The following PPME1 variants were observed in gnomAD, a reference collection of about 807,000 sequenced individuals.
The protein encoded by PPME1 is testicular secretory protein Li 39.
A neutral mutation model predicts 56.9 loss-of-function variants in PPME1; 17 were observed. That is an observed-to-expected ratio of 0.30 (90% CI 0.20 to 0.45). The LOEUF (loss-of-function observed/expected upper bound fraction) is 0.45, where lower values mean the gene tolerates loss of function less well. Ranked by LOEUF, PPME1 falls within the 20% of genes least tolerant of loss-of-function variation. The probability of loss-of-function intolerance (pLI) is 1.00; values close to 1 mark genes in which losing one functional copy is unlikely to be tolerated. For missense variants in PPME1, 357 were observed against 483.2 expected, an observed-to-expected ratio of 0.74 and a Z score of 2.45; for synonymous variants, 122 against 156.2, an observed-to-expected ratio of 0.78 and a Z score of 1.63.
In PPME1 at chr11:74,202,444, C is replaced by T. The variant is rs142834376; in HGVS notation, c.102-1284C>T. ...TTTGAAAGAATATATCCCTTCCTACCCAGCCGCTGTGTTGTAATTTTTCCA... is the reference window on the plus strand; with the variant it reads ...TTTGAAAGAATATATCCCTTCCTACTCAGCCGCTGTGTTGTAATTTTTCCA... On this transcript the variant is annotated intron_variant, in intron 1 of 13. Transcript: ENST00000328257. Among the ~76,000 whole-genome samples the T allele has an allele frequency of 7.0e-4, 106 of 152,248 alleles. 2 individuals are homozygous for T. The highest frequency in any genetic ancestry group is 3.5e-4 in the Non-Finnish European group (24 of 68,000).
intron 1 of PPME1, among the ~76,000 whole-genome samples, chr11:74,174,647 A>G (rs959882331): frequency 2.6e-5 from 4 of 152,188 alleles, no homozygotes; most frequent in African/African-American, 9.7e-5. Flanking sequence ...GTGATTTTTC[A>G]TGAGTTTCCA....
rs573502676 is a variant in PPME1, at chr11:74,194,248, C to T, written c.102-9480C>T. ...TGTGGTAAGAAGCAGAAAGTTAATTCTGTTTCAGCCTTTCACTGAGCTTAT... is the reference window on the plus strand; with the variant it reads ...TGTGGTAAGAAGCAGAAAGTTAATTTTGTTTCAGCCTTTCACTGAGCTTAT... On this transcript the variant is annotated intron_variant, in intron 1 of 13. Coordinates refer to ENST00000328257, the MANE Select transcript of PPME1 (RefSeq NM_016147.3). Among the ~76,000 whole-genome samples the T allele has an allele frequency of 7.2e-5, 11 of 151,730 alleles. No individual in the cohort carries two copies. In the East Asian group the frequency reaches 1.9e-3, roughly 27 times the overall value.
chr11:74,227,672 A>T (rs552654704), intron 5 of PPME1, among the ~76,000 whole-genome samples: 3 of 152,270 alleles, frequency 2.0e-5, no homozygotes, highest in South Asian at 4.1e-4. Flanking sequence ...CATCCACCAA[A>T]ATTGTAATAC....
At chr11:74,198,442 C>T (rs1459673515) in intron 1 of PPME1, among the ~76,000 whole-genome samples, 1 of 151,936 alleles carries the variant, frequency 6.6e-6, no homozygotes, top group Non-Finnish European at 1.5e-5. Flanking sequence ...TACATTTTAT[C>T]GACTCTTCAT....
At chr11:74,210,295 C>G (rs1858438745) in intron 3 of PPME1, among the ~76,000 whole-genome samples, 1 of 152,124 alleles carries the variant, frequency 6.6e-6, no homozygotes, top group Admixed American at 6.5e-5. Flanking sequence ...GTTGAAAACT[C>G]TTGGCCACTA....
chr11:74,235,898 C>G lies in PPME1; in HGVS notation c.645-3C>G, dbSNP rs1359849915. Reference sequence around the variant, plus strand: ...TTCTCTCTTCCTTTCTTTTCTTTCCCAGTGTGAAGAGTGGCCAGATTCGAA... The same window carrying G: ...TTCTCTCTTCCTTTCTTTTCTTTCCGAGTGTGAAGAGTGGCCAGATTCGAA... On this transcript the variant is annotated splice_region_variant and splice_polypyrimidine_tract_variant and intron_variant, in intron 7 of 13. Coordinates refer to ENST00000328257, the MANE Select transcript of PPME1 (RefSeq NM_016147.3). 6.2e-7 allele frequency: 1 copy of G among 1,610,012 alleles called. No homozygotes were observed. The highest frequency in any genetic ancestry group is 1.3e-5 in the African/African-American group (1 of 74,786).
Position 74,239,142 on chromosome 11 carries a change from A to C in PPME1, c.720A>C (p.Gly240=), listed in dbSNP as rs1384955972. 2 of 1,612,284 alleles carry C rather than the reference A, an allele frequency of 1.2e-6. No individual in the cohort carries two copies. The highest frequency in any genetic ancestry group is 4.5e-5 in the East Asian group (2 of 44,858). The change falls in exon 9 of 14, where the codon GGA becomes GGC. Residue 240 remains glycine (G), a synonymous_variant. Transcript: ENST00000328257. ...TTTTAAAAAAACCTAGGTGTGAAGG[A>C]ATTACAAGTCCAGAAGGCTCAAAAT... ...SMVGQVKQCE[G]ITSPEGSKSI... is the part of the protein sequence containing the mutation.
At chr11:74,195,253 C>T (rs1282377270) in intron 1 of PPME1, among the ~76,000 whole-genome samples, 2 of 152,196 alleles carry the variant, frequency 1.3e-5, no homozygotes, top group African/African-American at 4.8e-5. Flanking sequence ...CTGTTTCCCA[C>T]ACTGGTATTG....
At chr11:74,248,950 T>C (rs1333800748) in intron 11 of PPME1, 2 of 152,220 alleles carry the variant, frequency 1.3e-5, no homozygotes, top group African/African-American at 2.4e-5. Flanking sequence ...TCCTAACTTA[T>C]TTAATTTTGA....
At position 74,223,183 on chromosome 11, in the gene PPME1, A is replaced by C. The variant is rs535086756; in HGVS notation, c.346+814A>C. Among the ~76,000 whole-genome samples, 58 of 151,846 alleles carry C rather than the reference A, an allele frequency of 3.8e-4. 1 individual carries two copies. The East Asian group carries it at 0.011, about 29-fold the overall frequency. On this transcript the variant is annotated intron_variant, in intron 4 of 13. Transcript: ENST00000328257. ...GTTCAGTTCCCACCTATGAGTGAGA[A>C]TATGCGGTGTTTGGTTTTTTGTGCT...
chr11:74,217,751 AACTT>A (rs1175425041), intron 3 of PPME1, among the ~76,000 whole-genome samples: 1 of 151,986 alleles, frequency 6.6e-6, no homozygotes, highest in Non-Finnish European at 1.5e-5. Flanking sequence ...AAAAAAAAAA[AACTT>A]AAACTGAGTA....
At chr11:74,253,283 T>C (rs554424955) in intron 13 of PPME1, among the ~76,000 whole-genome samples, 1 of 152,282 alleles carries the variant, frequency 6.6e-6, no homozygotes, top group African/African-American at 2.4e-5. Flanking sequence ...AGTGTTTGGC[T>C]GGGGCCCTTC....
intron 1 of PPME1, among the ~76,000 whole-genome samples, chr11:74,202,403 C>G (rs1437190486): frequency 1.3e-5 from 2 of 152,176 alleles, no homozygotes; most frequent in Non-Finnish European, 2.9e-5. Context: ...AGTAGACATT[C>G]AATAAATGTT....
chr11:74,252,633 T>C, intron 13 of PPME1: 1 of 426,524 alleles, frequency 2.3e-6, no homozygotes, highest in South Asian at 1.7e-5. Flanking sequence ...CTGTGCATTG[T>C]AGGATGCTTA....
intron 9 of PPME1, among the ~76,000 whole-genome samples, chr11:74,239,458 A>G (rs906524591): frequency 6.6e-6 from 1 of 151,922 alleles, no homozygotes; most frequent in Non-Finnish European, 1.5e-5. Flanking sequence ...CATAAAACTT[A>G]CGCTATATAC....
At chr11:74,205,411 G>A (rs1858301787) in intron 3 of PPME1, 1 of 152,156 alleles carries the variant, frequency 6.6e-6, no homozygotes, top group African/African-American at 2.4e-5. Context: ...TGTTTAAAAT[G>A]AAGTTGTCAT....
At chr11:74,218,514 T>G (rs1032284325) in intron 3 of PPME1, among the ~76,000 whole-genome samples, 2 of 152,160 alleles carry the variant, frequency 1.3e-5, no homozygotes, top group African/African-American at 4.8e-5. Flanking sequence ...CACAGGGTTA[T>G]AACAACCAGA....
At chr11:74,177,028 T>A (rs992136186) in intron 1 of PPME1, among the ~76,000 whole-genome samples, 1 of 152,094 alleles carries the variant, frequency 6.6e-6, no homozygotes, top group Non-Finnish European at 1.5e-5. Flanking sequence ...AATTTTTTTT[T>A]AATCCATTTG....
At chr11:74,220,829 T>C (rs1450678652) in intron 3 of PPME1, among the ~76,000 whole-genome samples, 2 of 152,188 alleles carry the variant, frequency 1.3e-5, no homozygotes, top group East Asian at 3.8e-4. Context: ...GTAGCAAAGT[T>C]GTACTATTTG....
Sources: gnomAD v4.1 joint callset for allele counts (sites outside exome capture counted in the v4.1 genomes callset) on GRCh38, gnomAD v4.1.1 for gene constraint, MANE v1.5 for transcripts, NCBI Gene and HGNC (gene_info 2026-07-23, HGNC 2026-07-21) for gene names.